The following RCSD1 variants were observed in gnomAD, a reference collection of about 807,000 sequenced individuals.
The protein encoded by RCSD1 is RCSD domain containing 1.
A neutral mutation model predicts 42.5 loss-of-function variants in RCSD1; 26 were observed. The ratio of observed to expected loss-of-function variants is 0.61; its 90% CI spans 0.45 to 0.85. The LOEUF (loss-of-function observed/expected upper bound fraction) is 0.85. Among genes scored for constraint, RCSD1 ranks in the 40% least tolerant of loss-of-function variants. The probability of loss-of-function intolerance (pLI) is 0.00; values close to 1 mark genes in which losing one functional copy is unlikely to be tolerated. For synonymous variants in RCSD1, 220 were observed against 212.2 expected (o/e 1.04, Z -0.32); for missense variants, 571 against 528.3 (o/e 1.08, Z -0.79).
chr1:167,642,868 G>A (rs1206490242), intron 1 of RCSD1, among the ~76,000 whole-genome samples: 2 of 152,218 alleles, frequency 1.3e-5, no homozygotes, highest in East Asian at 3.8e-4. Context: ...AAGTCGGCCT[G>A]TGAGTAACAT....
intron 1 of RCSD1, among the ~76,000 whole-genome samples, chr1:167,674,460 A>G (rs546554285): frequency 1.3e-5 from 2 of 151,868 alleles, no homozygotes; most frequent in African/African-American, 4.9e-5. Flanking sequence ...ATTTTTAAAA[A>G]TAACAGTTTT....
chr1:167,698,722 G>A (rs945482783), intron 6 of RCSD1, among the ~76,000 whole-genome samples: 1 of 151,968 alleles, frequency 6.6e-6, no homozygotes, highest in African/African-American at 2.4e-5. Flanking sequence ...ATTCATTCAT[G>A]CGTTCATTTA....
intron 6 of RCSD1, among the ~76,000 whole-genome samples, chr1:167,702,609 T>C (rs1571112757): frequency 6.6e-6 from 1 of 152,104 alleles, no homozygotes; most frequent in East Asian, 1.9e-4. Context: ...TGAAACCCTG[T>C]CTCTACTAAA....
intron 1 of RCSD1, among the ~76,000 whole-genome samples, chr1:167,654,628 A>T (rs1331933655): frequency 6.6e-6 from 1 of 152,188 alleles, no homozygotes; most frequent in Non-Finnish European, 1.5e-5. Flanking sequence ...AGATGTTTTG[A>T]TTATTTAGTA....
rs1317487140 is a variant in RCSD1 at position 167,630,283 on chromosome 1, G to C, written c.-141G>C. ...GGCAGTCCCGCAGCCGAGCGCAGCC[G>C]GGCGCGCGCCACCGCCCACTCGCCC... On this transcript the variant is annotated 5_prime_UTR_variant, in exon 1 of 7. Coordinates refer to ENST00000367854, the MANE Select transcript of RCSD1 (RefSeq NM_052862.4). The C allele has an allele frequency of 5.1e-6, 4 of 783,092 alleles. No individual in the cohort carries two copies. The highest frequency in any genetic ancestry group is 5.7e-5 in the South Asian group (1 of 17,422). 48.5% of individuals were successfully genotyped at this position (783,092 alleles called of 1,614,324 possible).
Position 167,704,706 on chromosome 1 carries a change from C to G in RCSD1, c.*10C>G. On this transcript the variant is annotated 3_prime_UTR_variant, in exon 7 of 7. Transcript: ENST00000367854. ...GGACACTAAAATGTGAAGAACAGCT[C>G]ATTGTGCCCCAGTGATGAAGTTGCT... The G allele has an allele frequency of 1.9e-6, 3 of 1,612,092 alleles. No individual in the cohort carries two copies. Among genetic ancestry groups the G allele is most frequent in the Non-Finnish European group, 1.7e-6 (2 of 1,178,514 alleles).
intron 1 of RCSD1, among the ~76,000 whole-genome samples, chr1:167,683,426 A>G (rs1018148716): frequency 2.0e-5 from 3 of 152,218 alleles, no homozygotes; most frequent in Non-Finnish European, 4.4e-5. Flanking sequence ...TCACTTACTT[A>G]TTAATTCCAC....
chr1:167,650,824 G>T lies in RCSD1; in HGVS notation c.6+20395G>T, dbSNP rs183786352. Among the ~76,000 whole-genome samples, 4 of 152,336 alleles carry T rather than the reference G, an allele frequency of 2.6e-5. No individual in the cohort carries two copies. In the East Asian group the frequency reaches 5.8e-4, roughly 22 times the overall value. Reference sequence around the variant, plus strand: ...GATGGGGTAAGGAGGGGATAAGGAGGGGGGCAGCCCCAGAAGCAGCTTCCC... The same window carrying T: ...GATGGGGTAAGGAGGGGATAAGGAGTGGGGCAGCCCCAGAAGCAGCTTCCC... On this transcript the variant is annotated intron_variant, in intron 1 of 6. Transcript: ENST00000367854.
intron 6 of RCSD1, among the ~76,000 whole-genome samples, chr1:167,699,917 C>T (rs1330657980): frequency 6.6e-6 from 1 of 152,184 alleles, no homozygotes; most frequent in Non-Finnish European, 1.5e-5. Context: ...GTCTGTGCCA[C>T]TCAGTCTAAG....
chr1:167,693,959 A>T (rs1659436728), intron 4 of RCSD1, 140 bp from the exon 5 acceptor site: 1 of 717,792 alleles, frequency 1.4e-6, no homozygotes, highest in Non-Finnish European at 2.3e-6. Context: ...GGGACAGTGG[A>T]TAATGGGTTG....
In RCSD1 at chr1:167,630,431, TA is replaced by T; in HGVS notation, c.6+5del. ...AGTCGGCACCTGAAGGACATGGAGGTAAAGGACCCCGGAGGGAGACGCGGGG... is the reference window on the plus strand; with the variant it reads ...AGTCGGCACCTGAAGGACATGGAGGTAAGGACCCCGGAGGGAGACGCGGGG... On this transcript the variant is annotated splice_donor_region_variant and intron_variant, in intron 1 of 6. Coordinates refer to ENST00000367854, the MANE Select transcript of RCSD1 (RefSeq NM_052862.4). The T allele has an allele frequency of 2.0e-6, 3 of 1,537,114 alleles. No individual in the cohort carries two copies. Among genetic ancestry groups the T allele is most frequent in the Non-Finnish European group, 1.8e-6 (2 of 1,140,034 alleles).
At position 167,707,927 on chromosome 1, in the gene RCSD1, C is replaced by T. The variant is rs955559187; in HGVS notation, c.*3231C>T. 6.6e-6 allele frequency among the ~76,000 whole-genome samples: 1 copy of T among 152,194 alleles called. No homozygotes were observed. The highest frequency in any genetic ancestry group is 2.4e-5 in the African/African-American group (1 of 41,436). On this transcript the variant is annotated 3_prime_UTR_variant, in exon 7 of 7. Coordinates refer to ENST00000367854, the MANE Select transcript of RCSD1 (RefSeq NM_052862.4). ...GCCAGGCTGGTCTCAAACTCCTGGC[C>T]TCTAGTGATCTGCCTGCCTCGGTCT... is the stretch of plus-strand genomic sequence containing the variant.
chr1:167,682,866 G>A (rs940712907), intron 1 of RCSD1, among the ~76,000 whole-genome samples: 3 of 152,194 alleles, frequency 2.0e-5, no homozygotes, highest in African/African-American at 7.2e-5. Flanking sequence ...GGGGGAGTTC[G>A]AAGTCTGTGT....
At chr1:167,682,373 T>G (rs1406966551) in intron 1 of RCSD1, among the ~76,000 whole-genome samples, 1 of 152,158 alleles carries the variant, frequency 6.6e-6, no homozygotes, top group Non-Finnish European at 1.5e-5. Context: ...TTCACCACGT[T>G]GGCTAGACTG....
chr1:167,676,982 A>T (rs921726960), intron 1 of RCSD1, among the ~76,000 whole-genome samples: 4 of 152,194 alleles, frequency 2.6e-5, no homozygotes, highest in African/African-American at 9.6e-5. Context: ...ACCTCCTGGG[A>T]TTCTCCCTGG....
intron 1 of RCSD1, among the ~76,000 whole-genome samples, chr1:167,657,256 T>C (rs548875012): frequency 2.7e-4 from 41 of 152,362 alleles, no homozygotes; most frequent in Middle Eastern, 6.8e-3. Flanking sequence ...GGGATATAGA[T>C]GGATCTATGC....
chr1:167,656,204 G>A (rs975601778), intron 1 of RCSD1, among the ~76,000 whole-genome samples: 1 of 152,158 alleles, frequency 6.6e-6, no homozygotes, highest in Non-Finnish European at 1.5e-5. Flanking sequence ...TAGCTGCTGA[G>A]GCGCAAGCGG....
At chr1:167,699,369 A>G (rs1659587451) in intron 6 of RCSD1, among the ~76,000 whole-genome samples, 1 of 152,122 alleles carries the variant, frequency 6.6e-6, no homozygotes, top group African/African-American at 2.4e-5. Context: ...CTGGGGGAGA[A>G]TCTGTTCCTC....
At chr1:167,692,658 G>T (rs1232945895) in intron 4 of RCSD1, among the ~76,000 whole-genome samples, 1 of 152,024 alleles carries the variant, frequency 6.6e-6, no homozygotes, top group East Asian at 1.9e-4. Context: ...ACTGCACCCA[G>T]CTTCATATGC....
Sources: allele counts gnomAD v4.1 joint callset (sites outside exome capture counted in the v4.1 genomes callset), GRCh38; gene constraint gnomAD v4.1.1; transcripts MANE v1.5; gene names NCBI Gene and HGNC (gene_info 2026-07-23, HGNC 2026-07-21).